Variants in AMMECR1 observed in about 807,000 individuals in gnomAD.
AMMECR1 encodes nuclear protein AMMECR1.
Under a neutral mutation model 22.5 loss-of-function variants are expected in AMMECR1, and 3 were observed. That is an observed-to-expected ratio of 0.13 (90% CI 0.06 to 0.35). The LOEUF (loss-of-function observed/expected upper bound fraction) is 0.35. Among genes scored for constraint, AMMECR1 ranks in the 10% least tolerant of loss-of-function variants. The pLI is 1.00. For missense variants in AMMECR1, 235 were observed against 278.7 expected, an observed-to-expected ratio of 0.84 and a Z score of 1.12; for synonymous variants, 130 against 116.7, an observed-to-expected ratio of 1.11 and a Z score of -0.74.
At chrX:110,213,170 C>T (rs1185046534) in intron 3 of AMMECR1, among the ~76,000 whole-genome samples, 1 of 112,006 alleles carries the variant, frequency 8.9e-6, no homozygotes, top group Non-Finnish European at 1.9e-5. Context: ...GTATTAAATA[C>T]ATTCACAATA....
chrX:110,356,553 T>A lies in AMMECR1; in HGVS notation c.-147-38704A>T, dbSNP rs766242511. On this transcript the variant is annotated intron_variant, in intron 2 of 7. Coordinates refer to the AMMECR1 transcript ENST00000372057. ...CAAAATTGGTAAAAGAATAGCTTTTTAATGTTCTTACCACAAAATAATGAT... is the reference window on the plus strand; with the variant it reads ...CAAAATTGGTAAAAGAATAGCTTTTAAATGTTCTTACCACAAAATAATGAT... Among the ~76,000 whole-genome samples the A allele has an allele frequency of 1.4e-3, 159 of 111,292 alleles. 1 individual carries two copies. The South Asian group carries it at 0.016, about 11-fold the overall frequency.
At chrX:110,400,639 C>T (rs2068558020) in intron 2 of AMMECR1, among the ~76,000 whole-genome samples, 1 of 111,542 alleles carries the variant, frequency 9.0e-6, no homozygotes, top group Non-Finnish European at 1.9e-5. Flanking sequence ...CTTTCCTTGT[C>T]TGCCTAACAA....
chrX:110,342,528 C>T (rs577900398), intron 2 of AMMECR1, among the ~76,000 whole-genome samples: 9 of 110,887 alleles, frequency 8.1e-5, no homozygotes, highest in East Asian at 2.8e-4. Context: ...CACGCCACCA[C>T]GCCTGGCTAA....
intron 1 of AMMECR1, among the ~76,000 whole-genome samples, chrX:110,428,382 C>T (rs145737821): frequency 8.9e-6 from 1 of 111,979 alleles, no homozygotes; most frequent in African/African-American, 3.3e-5. Flanking sequence ...AGGGACAGAG[C>T]CTTGTACATT....
At chrX:110,266,859 G>A (rs899016815) in intron 1 of AMMECR1, among the ~76,000 whole-genome samples, 5 of 109,913 alleles carry the variant, frequency 4.5e-5, no homozygotes, top group African/African-American at 1.7e-4. Flanking sequence ...TCCCCGACAG[G>A]CCCTGGTGTG....
At chrX:110,223,774 T>G in intron 2 of AMMECR1, among the ~76,000 whole-genome samples, 1 of 111,873 alleles carries the variant, frequency 8.9e-6, no homozygotes. Flanking sequence ...TAAATATAGC[T>G]CCTAAAATGC....
At chrX:110,425,979 C>T (rs758012130) in intron 2 of AMMECR1, among the ~76,000 whole-genome samples, 10 of 110,295 alleles carry the variant, frequency 9.1e-5, no homozygotes, top group South Asian at 7.5e-4. Context: ...CGTGCGTGCG[C>T]GCACACACAC....
intron 3 of AMMECR1, among the ~76,000 whole-genome samples, chrX:110,206,382 C>A (rs1028841191): frequency 2.7e-5 from 3 of 112,000 alleles, no homozygotes; most frequent in African/African-American, 9.7e-5. Context: ...ACCCTCAACA[C>A]AAGAGCATTT....
intron 2 of AMMECR1, among the ~76,000 whole-genome samples, chrX:110,381,772 A>G (rs150456719): frequency 1.8e-3 from 201 of 111,316 alleles, no homozygotes; most frequent in African/African-American, 6.3e-3. Flanking sequence ...CTTTATGGGA[A>G]CATGGATGCA....
At position 110,434,256 on chromosome X, in the gene AMMECR1, C is replaced by T. The variant is rs1254844670; in HGVS notation, c.-294+5634G>A. Among the ~76,000 whole-genome samples the T allele has an allele frequency of 2.7e-5, 3 of 111,608 alleles. No individual in the cohort carries two copies. The Admixed American group carries it at 2.9e-4, about 11-fold the overall frequency. ...GTATTTGGGGTCAGCTATTCAGAGC[C>T]CTATTGGCCAAGCTGAAGGTTTTGT... is the stretch of plus-strand genomic sequence containing the variant. On this transcript the variant is annotated intron_variant, in intron 1 of 7. Transcript: ENST00000372057.
At chrX:110,415,496 A>C (rs1045947806) in intron 2 of AMMECR1, among the ~76,000 whole-genome samples, 17 of 111,381 alleles carry the variant, frequency 1.5e-4, no homozygotes, top group African/African-American at 4.9e-4. Context: ...ACATTGTAGA[A>C]ATGGAATTTG....
At chrX:110,256,358 T>C (rs995252775) in intron 2 of AMMECR1, among the ~76,000 whole-genome samples, 3 of 112,190 alleles carry the variant, frequency 2.7e-5, no homozygotes, top group African/African-American at 9.7e-5. Flanking sequence ...CATGACTATA[T>C]TGTTTTCCAT....
At chrX:110,402,156 C>T (rs1466235952) in intron 2 of AMMECR1, among the ~76,000 whole-genome samples, 1 of 112,779 alleles carries the variant, frequency 8.9e-6, no homozygotes, top group Non-Finnish European at 1.9e-5. Context: ...CAGAGTGAAA[C>T]AGAGTCCCTT....
chrX:110,320,369 G>A (rs768226574), upstream of AMMECR1, among the ~76,000 whole-genome samples: 81 of 111,216 alleles, frequency 7.3e-4, no homozygotes, highest in Non-Finnish European at 1.2e-3. Context: ...AATAGGTATC[G>A]ATTTACTCCC....
At chrX:110,377,403 C>G (rs2068384640) in intron 2 of AMMECR1, among the ~76,000 whole-genome samples, 2 of 111,748 alleles carry the variant, frequency 1.8e-5, no homozygotes, top group South Asian at 7.6e-4. Context: ...GTCCCTTATG[C>G]AACATAGAAG....
chrX:110,359,594 T>A (rs755569621), intron 2 of AMMECR1, among the ~76,000 whole-genome samples: 2 of 111,689 alleles, frequency 1.8e-5, no homozygotes, highest in South Asian at 7.5e-4. Context: ...TTCTTGTCCA[T>A]TGCACCATCT....
intron 2 of AMMECR1, among the ~76,000 whole-genome samples, chrX:110,361,015 T>C (rs910418856): frequency 9.0e-6 from 1 of 111,075 alleles, no homozygotes; most frequent in Non-Finnish European, 1.9e-5. Flanking sequence ...AATTTGTATC[T>C]CCATACTTTT....
intron 1 of AMMECR1, chrX:110,307,263 A>G (rs1326817766): frequency 5.5e-5 from 6 of 109,553 alleles, no homozygotes; most frequent in African/African-American, 2.0e-4. Flanking sequence ...AAAAAAAAAA[A>G]GTAAACTACC....
At chrX:110,321,161 A>G (rs1220976133), upstream of AMMECR1, among the ~76,000 whole-genome samples, 1 of 112,043 alleles carries the variant, frequency 8.9e-6, no homozygotes, top group Non-Finnish European at 1.9e-5. Flanking sequence ...CAAAGTGCAC[A>G]CTGGGTGGAT....
Sources: gnomAD v4.1 joint callset for allele counts (sites outside exome capture counted in the v4.1 genomes callset) on GRCh38, gnomAD v4.1.1 for gene constraint, MANE v1.5 for transcripts, NCBI Gene and HGNC (gene_info 2026-07-23, HGNC 2026-07-21) for gene names.